TBC1D32: variants seen among roughly 807,000 people sequenced by gnomAD.
TBC1D32 encodes the protein protein broad-minded.
In TBC1D32, 151 loss-of-function variants were observed where a neutral mutation model predicts 170.3. That is an observed-to-expected ratio of 0.89 (90% CI 0.78 to 1.01). TBC1D32 has a LOEUF of 1.01. Ranked by LOEUF, TBC1D32 falls within the 50% of genes least tolerant of loss-of-function variation. The pLI, the probability that TBC1D32 is intolerant of heterozygous loss-of-function variation, is 0.00. For synonymous variants in TBC1D32, 498 were observed against 488.0 expected (o/e 1.02, Z -0.27); for missense variants, 1,464 against 1,457.1 (o/e 1.00, Z -0.08).
At chr6:121,161,125 T>C (rs1047372594) in intron 22 of TBC1D32, 69 bp from the exon 23 acceptor site, 15 of 1,210,782 alleles carry the variant, frequency 1.2e-5, no homozygotes, top group Admixed American at 1.1e-4. Context: ...AAATCAAGTC[T>C]CTGGATTGTA....
rs142124793 is a variant in TBC1D32, at chr6:121,136,728, G to A, written c.2774-4976C>T. Among the ~76,000 whole-genome samples, 107 of 152,192 alleles carry A rather than the reference G, an allele frequency of 7.0e-4. No individual in the cohort carries two copies. In the East Asian group the frequency reaches 0.015, roughly 21 times the overall value. ...TTCTATATTTGATTATGGTGGTGGCGATCTGTGTATGAATATTTCTAAAAA... is the reference window on the plus strand; with the variant it reads ...TTCTATATTTGATTATGGTGGTGGCAATCTGTGTATGAATATTTCTAAAAA... On this transcript the variant is annotated intron_variant, in intron 24 of 31. Transcript: ENST00000398212.
intron 22 of TBC1D32, among the ~76,000 whole-genome samples, chr6:121,181,692 A>G (rs950017431): frequency 2.6e-5 from 4 of 152,130 alleles, no homozygotes; most frequent in African/African-American, 4.8e-5. Flanking sequence ...TTACTGCAGC[A>G]CTATCCACAA....
chr6:121,244,877 T>C (rs1039603303), intron 17 of TBC1D32, among the ~76,000 whole-genome samples: 1 of 152,180 alleles, frequency 6.6e-6, no homozygotes, highest in Non-Finnish European at 1.5e-5. Flanking sequence ...TTGGGAGCTT[T>C]ATGGCCTTGC....
rs6941332 is a variant in TBC1D32, at chr6:121,294,680, T to C, written c.1141-20A>G. 124,693 of 1,583,384 alleles carry C rather than the reference T, an allele frequency of 0.079. 7,693 individuals are homozygous for C. The highest frequency in any genetic ancestry group is 0.3 in the Admixed American group (17,746 of 59,258). ...AGTTACCTGATGAAATAATAAGTTA[T>C]TAATTCCAGAACTTTGCAGCCCTCA... On this transcript the variant is annotated intron_variant, in intron 10 of 31. Coordinates refer to ENST00000398212, the MANE Select transcript of TBC1D32 (RefSeq NM_152730.6).
At chr6:121,256,400 G>T in intron 15 of TBC1D32, 115 bp from the exon 16 acceptor site, 1 of 817,156 alleles carries the variant, frequency 1.2e-6, no homozygotes, top group Non-Finnish European at 1.9e-6. Flanking sequence ...ACTTTTCTCA[G>T]ACATGTCAAT....
intron 31 of TBC1D32, among the ~76,000 whole-genome samples, chr6:121,083,111 C>T (rs1330880494): frequency 3.3e-5 from 5 of 151,882 alleles, no homozygotes; most frequent in Non-Finnish European, 7.4e-5. Context: ...GCCAGCTTAT[C>T]GTTCAAGTTG....
intron 3 of TBC1D32, among the ~76,000 whole-genome samples, chr6:121,312,694 G>A (rs1808383333): frequency 6.6e-6 from 1 of 152,172 alleles, no homozygotes; most frequent in South Asian, 2.1e-4. Flanking sequence ...AGCAATATAT[G>A]CTATCAAGAT....
chr6:121,259,037 ACTG>A, intron 15 of TBC1D32, among the ~76,000 whole-genome samples: 1 of 152,066 alleles, frequency 6.6e-6, no homozygotes, highest in East Asian at 1.9e-4. Context: ...GTGGTTCATG[ACTG>A]TAATCCCAGC....
chr6:121,327,150 TA>T (rs11314129), intron 1 of TBC1D32, among the ~76,000 whole-genome samples: 150,230 of 152,044 alleles, frequency 0.99, 74,259 homozygotes, highest in East Asian at 1. Context: ...GAGCAAGAGT[TA>T]AAAAAAACTA....
chr6:121,140,084 T>C (rs1782600685), intron 24 of TBC1D32, among the ~76,000 whole-genome samples: 1 of 152,076 alleles, frequency 6.6e-6, no homozygotes, highest in Non-Finnish European at 1.5e-5. Flanking sequence ...ATAATACAGA[T>C]GCAATATAGT....
intron 30 of TBC1D32, chr6:121,096,237 T>C (rs1310378031): frequency 6.6e-6 from 1 of 152,138 alleles, no homozygotes; most frequent in African/African-American, 2.4e-5. Context: ...TTTATAATAT[T>C]CTCTGATGGT....
chr6:121,277,869 G>T (rs1413593103), intron 15 of TBC1D32, among the ~76,000 whole-genome samples: 1 of 150,726 alleles, frequency 6.6e-6, no homozygotes, highest in Non-Finnish European at 1.5e-5. Flanking sequence ...CTCTAGTCAG[G>T]TTAACTAAGA....
intron 22 of TBC1D32, chr6:121,170,638 G>A: frequency 1.4e-6 from 1 of 691,694 alleles, no homozygotes; most frequent in South Asian, 5.7e-5. Context: ...AAATCTAACA[G>A]AAAGTATCAT....
At chr6:121,316,145 A>T (rs1476388220) in intron 3 of TBC1D32, among the ~76,000 whole-genome samples, 1 of 152,184 alleles carries the variant, frequency 6.6e-6, no homozygotes, top group Non-Finnish European at 1.5e-5. Context: ...GCATTTTTCA[A>T]AAATCTATCA....
At chr6:121,129,946 C>A (rs1250133837) in intron 25 of TBC1D32, 4 of 435,210 alleles carry the variant, frequency 9.2e-6, no homozygotes, top group Non-Finnish European at 1.8e-5. Context: ...ACAAAGGGGA[C>A]AACAGGATTA....
intron 22 of TBC1D32, among the ~76,000 whole-genome samples, chr6:121,200,298 TA>T (rs200050417): frequency 2.0e-5 from 3 of 150,176 alleles, no homozygotes; most frequent in South Asian, 2.1e-4. Flanking sequence ...AATTCAAAGT[TA>T]AAAAAAAAGC....
intron 12 of TBC1D32, among the ~76,000 whole-genome samples, chr6:121,286,430 T>G (rs181355472): frequency 0.032 from 4,854 of 151,436 alleles, 180 homozygotes; most frequent in East Asian, 0.12. Context: ...AGAAGAGAAG[T>G]TTAGAGAAAA....
chr6:121,212,818 A>T (rs1247165444), intron 21 of TBC1D32, among the ~76,000 whole-genome samples: 1 of 152,164 alleles, frequency 6.6e-6, no homozygotes, highest in African/African-American at 2.4e-5. Context: ...ACTTGCAAAC[A>T]AAATACAGCA....
At chr6:121,313,105 G>GGTGTGTGTGTGTGT (rs71018125) in intron 3 of TBC1D32, among the ~76,000 whole-genome samples, 4 of 111,178 alleles carry the variant, frequency 3.6e-5, no homozygotes, top group African/African-American at 1.1e-4. Flanking sequence ...AAGCTAAGGT[G>GGTGTGTGTGTGTGT]GTGTGTGTGT....
Sources: gnomAD v4.1 joint callset for allele counts (sites outside exome capture counted in the v4.1 genomes callset) on GRCh38, gnomAD v4.1.1 for gene constraint, MANE v1.5 for transcripts, NCBI Gene and HGNC (gene_info 2026-07-23, HGNC 2026-07-21) for gene names.